Variants in CD226 observed in about 807,000 individuals in gnomAD.
CD226 encodes CD226 antigen.
A neutral mutation model predicts 34.9 loss-of-function variants in CD226; 24 were observed. That is an observed-to-expected ratio of 0.69 (90% CI 0.50 to 0.97). CD226 has a LOEUF of 0.97. Ranked by LOEUF, CD226 falls within the 50% of genes least tolerant of loss-of-function variation. CD226 has a pLI of 0.00. For synonymous variants in CD226, 148 were observed against 147.4 expected, an observed-to-expected ratio of 1.00 and a Z score of -0.03; for missense variants, 397 against 412.7, an observed-to-expected ratio of 0.96 and a Z score of 0.33.
rs530167118 is a variant in CD226, at chr18:69,939,123, G to T, written c.382+7611C>A. Among the ~76,000 whole-genome samples the T allele has an allele frequency of 3.3e-5, 5 of 152,280 alleles. No individual in the cohort carries two copies. The South Asian group carries it at 1.0e-3, about 32-fold the overall frequency. On this transcript the variant is annotated intron_variant, in intron 2 of 5. Transcript: ENST00000582621. ...GAAAAAGAAATCAGTAGATTTGAAA[G>T]AAATCTTCTAAAACATTTTGAGACA...
rs1982741538 is a variant in CD226 at position 69,860,146 on chromosome 18, A to T, written c.*4168T>A. On this transcript the variant is annotated 3_prime_UTR_variant, in exon 6 of 6. Transcript: ENST00000582621. The stretch of plus-strand genomic sequence containing the variant: ...AAATTACAATGTATCATTGATTTGA[A>T]TTTTTTCTGCATGTAATTCATCAGT... 1 of 152,166 alleles carries T rather than the reference A, an allele frequency of 6.6e-6. No individual in the cohort carries two copies. Among genetic ancestry groups the T allele is most frequent in the South Asian group, 2.1e-4 (1 of 4,826 alleles). The allele number at this position is 152,166 out of a possible 1,614,324, so 9.4% of individuals were successfully genotyped here. A position where few individuals can be genotyped will look rare whatever the true frequency, so the allele number is the denominator to read the frequency against.
At chr18:69,902,198 G>T (rs1347380363) in intron 2 of CD226, among the ~76,000 whole-genome samples, 4 of 152,078 alleles carry the variant, frequency 2.6e-5, no homozygotes, top group Non-Finnish European at 5.9e-5. Flanking sequence ...ATTCTAAGTG[G>T]ACTGTTCTCT....
intron 2 of CD226, among the ~76,000 whole-genome samples, chr18:69,941,627 T>A (rs781300927): frequency 1.3e-5 from 2 of 152,238 alleles, no homozygotes; most frequent in Non-Finnish European, 2.9e-5. Context: ...ATTTATCCAA[T>A]GCCTGTACCC....
chr18:69,901,908 C>T (rs940427264), intron 2 of CD226, among the ~76,000 whole-genome samples: 1 of 151,266 alleles, frequency 6.6e-6, no homozygotes, highest in Non-Finnish European at 1.5e-5. Flanking sequence ...TTTGTTAGTA[C>T]AAGATTTGAG....
intron 2 of CD226, among the ~76,000 whole-genome samples, chr18:69,909,610 T>C (rs1446385158): frequency 6.6e-6 from 1 of 152,240 alleles, no homozygotes; most frequent in Non-Finnish European, 1.5e-5. Flanking sequence ...CAGGGATAGT[T>C]GTAATCATCA....
chr18:69,901,516 C>G (rs1329887763), intron 2 of CD226, among the ~76,000 whole-genome samples: 1 of 152,140 alleles, frequency 6.6e-6, no homozygotes, highest in Non-Finnish European at 1.5e-5. Flanking sequence ...ATACTGGTCA[C>G]AGGGGAACTG....
chr18:69,864,518 C>T (rs1983016402), intron 5 of CD226, 79 bp from the exon 6 acceptor site: 1 of 1,402,420 alleles, frequency 7.1e-7, no homozygotes, highest in Non-Finnish European at 9.9e-7. Flanking sequence ...ACATACCTCT[C>T]ATAAATGCAG....
rs997869660 is a variant in CD226 at position 69,853,367 on chromosome 18, G to A, written c.*10947C>T. ...AACGTTGCATAAAAGGCCTCAGGAC[G>A]TATAGACCTTCTGCCCTCTGTTGTG... On this transcript the variant is annotated 3_prime_UTR_variant, in exon 6 of 6. Coordinates refer to ENST00000582621, the MANE Select transcript of CD226 (RefSeq NM_001303618.2). 1.3e-5 allele frequency: 2 copies of A among 152,122 alleles called. No individual in the cohort carries two copies. The highest frequency in any genetic ancestry group is 2.4e-5 in the African/African-American group (1 of 41,444). 9.4% of individuals were successfully genotyped at this position (152,122 alleles called of 1,614,324 possible).
chr18:69,943,256 T>C (rs770076567), intron 2 of CD226, among the ~76,000 whole-genome samples: 3 of 152,198 alleles, frequency 2.0e-5, no homozygotes, highest in Non-Finnish European at 4.4e-5. Flanking sequence ...TTTGGGGGTA[T>C]TTCTGTAAAT....
chr18:69,860,771 A>G lies in CD226; in HGVS notation c.*3543T>C, dbSNP rs898436410. The G allele has an allele frequency of 4.6e-5, 7 of 152,126 alleles. No homozygotes were observed. The highest frequency in any genetic ancestry group is 2.0e-4 in the Admixed American group (3 of 15,278). 9.4% of individuals were successfully genotyped at this position (152,126 alleles called of 1,614,324 possible). A position where few individuals can be genotyped will look rare whatever the true frequency, so the allele number is the denominator to read the frequency against. The stretch of plus-strand genomic sequence containing the variant: ...TTTAATAGTAGCTAAACTAATGATG[A>G]CATGTTTATATTGTCTTATATTTTT... On this transcript the variant is annotated 3_prime_UTR_variant, in exon 6 of 6. Transcript: ENST00000582621.
chr18:69,944,393 T>C (rs140922573), intron 2 of CD226: 46 of 152,334 alleles, frequency 3.0e-4, no homozygotes, highest in African/African-American at 1.0e-3. Context: ...TCTCTTTTCC[T>C]AACCTCAAAA....
At chr18:69,907,265 G>A (rs530984527) in intron 2 of CD226, among the ~76,000 whole-genome samples, 56 of 152,256 alleles carry the variant, frequency 3.7e-4, no homozygotes, top group African/African-American at 1.3e-3. Context: ...ATTGTACTTG[G>A]AGCCTAGAAT....
intron 3 of CD226, among the ~76,000 whole-genome samples, chr18:69,887,363 C>G (rs909259461): frequency 6.6e-6 from 1 of 152,060 alleles, no homozygotes; most frequent in Admixed American, 6.5e-5. Flanking sequence ...AGTGAATAAT[C>G]AATCCTAATG....
At chr18:69,941,671 G>T (rs1340447878) in intron 2 of CD226, among the ~76,000 whole-genome samples, 1 of 152,200 alleles carries the variant, frequency 6.6e-6, no homozygotes, top group African/African-American at 2.4e-5. Context: ...ACTTGCTTTT[G>T]ATTTTACAGG....
intron 2 of CD226, among the ~76,000 whole-genome samples, chr18:69,939,135 AAC>A (rs1241793569): frequency 1.3e-5 from 2 of 152,196 alleles, no homozygotes; most frequent in Non-Finnish European, 2.9e-5. Context: ...AATCTTCTAA[AAC>A]ATTTTGAGAC....
At chr18:69,919,949 G>A (rs2055431788) in intron 2 of CD226, among the ~76,000 whole-genome samples, 1 of 148,516 alleles carries the variant, frequency 6.7e-6, no homozygotes, top group Admixed American at 6.8e-5. Context: ...CTGAAGCCCC[G>A]ACCTTTCAGG....
chr18:69,874,569 C>T (rs1162547841), intron 3 of CD226, among the ~76,000 whole-genome samples: 2 of 152,192 alleles, frequency 1.3e-5, no homozygotes, highest in Admixed American at 6.5e-5. Flanking sequence ...AATGTTTGTA[C>T]TGTGACACCC....
chr18:69,868,799 G>GCACGCA (rs1555676756), intron 4 of CD226, among the ~76,000 whole-genome samples: 1 of 64,896 alleles, frequency 1.5e-5, no homozygotes, highest in East Asian at 6.6e-4. Flanking sequence ...ACGTGCGCGT[G>GCACGCA]CACGCACACA....
chr18:69,901,757 T>C (rs1418384743), intron 2 of CD226, among the ~76,000 whole-genome samples: 1 of 151,862 alleles, frequency 6.6e-6, no homozygotes, highest in Non-Finnish European at 1.5e-5. Flanking sequence ...CAGGTGCCTG[T>C]AGTCCCAGCT....
Sources: allele counts gnomAD v4.1 joint callset (sites outside exome capture counted in the v4.1 genomes callset), GRCh38; gene constraint gnomAD v4.1.1; transcripts MANE v1.5; gene names NCBI Gene and HGNC (gene_info 2026-07-23, HGNC 2026-07-21).